The following ABCC4 variants were observed in gnomAD, a reference collection of about 807,000 sequenced individuals.
ABCC4 encodes the protein ATP binding cassette subfamily C member 4 (PEL blood group), also known as ATP-binding cassette sub-family C member 4.
Under a neutral mutation model 168.5 loss-of-function variants are expected in ABCC4, and 102 were observed. The ratio of observed to expected loss-of-function variants is 0.61; its 90% confidence interval spans 0.52 to 0.71. The LOEUF (loss-of-function observed/expected upper bound fraction) is 0.71. ABCC4 is among the 30% of genes least tolerant of loss of function. The probability of loss-of-function intolerance (pLI) is 0.00; values close to 1 mark genes in which losing one functional copy is unlikely to be tolerated. For synonymous variants in ABCC4, 617 were observed against 590.7 expected (o/e 1.04, Z -0.65); for missense variants, 1,402 against 1,605.8 (o/e 0.87, Z 2.17).
chr13:95,249,449 G>A (rs954346801), intron 1 of ABCC4, among the ~76,000 whole-genome samples: 2 of 152,136 alleles, frequency 1.3e-5, no homozygotes, highest in Non-Finnish European at 1.5e-5. Context: ...GTGAAATGGT[G>A]GGCTTTCAAT....
intron 22 of ABCC4, chr13:95,074,898 A>C (rs2033846423): frequency 1.3e-5 from 2 of 153,788 alleles, no homozygotes; most frequent in South Asian, 4.1e-4. Context: ...GATTGGAATG[A>C]CGGATCTGAA....
At position 95,074,206 on chromosome 13, in the gene ABCC4, G is replaced by A. The variant is rs774287710; in HGVS notation, c.2917+8C>T. ...ATACCATACATAGTTATTCACATCTGTACTTACTTTTTGCCAGAATCAGGG... is the reference window on the plus strand; with the variant it reads ...ATACCATACATAGTTATTCACATCTATACTTACTTTTTGCCAGAATCAGGG... On this transcript the variant is annotated splice_region_variant and intron_variant, in intron 23 of 30. Transcript: ENST00000645237. 19 of 1,595,172 alleles carry A rather than the reference G, an allele frequency of 1.2e-5. No homozygotes were observed. The Admixed American group carries it at 1.3e-4, about 11-fold the overall frequency.
At position 95,071,751 on chromosome 13, in the gene ABCC4, T is replaced by C; in HGVS notation, c.3121A>G (p.Ile1041Val). 6.2e-7 allele frequency: 1 copy of C among 1,607,604 alleles called. No homozygotes were observed. The highest frequency in any genetic ancestry group is 8.5e-7 in the Non-Finnish European group (1 of 1,177,102). The change falls in exon 25 of 31, where the codon ATA (isoleucine) becomes GTA (valine). Residue 1041 changes from isoleucine (I) to valine (V), a missense_variant. This residue lies in a region of ABCC4 where 1,007 missense variants were observed against 1,127.3 expected (regional missense o/e 0.89). Transcript: ENST00000645237. ...PPPAWPHEGV[I>V]IFDNVNFMYS... ...ATGAAGTTCACATTGTCAAAGATTATCACTCCTTCATGGGGCCAGGCTGGT... is the reference window on the plus strand; with the variant it reads ...ATGAAGTTCACATTGTCAAAGATTACCACTCCTTCATGGGGCCAGGCTGGT...
chr13:95,177,827 C>G (rs753395736), intron 12 of ABCC4, 34 bp from the exon 13 acceptor site: 1 of 1,580,560 alleles, frequency 6.3e-7, no homozygotes, highest in Admixed American at 1.7e-5. Flanking sequence ...GACTCTCACC[C>G]AGGAACATGA....
At chr13:95,269,282 C>T (rs1469033395) in intron 1 of ABCC4, 1 of 216,280 alleles carries the variant, frequency 4.6e-6, no homozygotes, top group South Asian at 2.8e-5. Context: ...ACAGAGCCTA[C>T]AACCTGTCAG....
At chr13:95,053,493 T>C (rs745537379) in intron 26 of ABCC4, among the ~76,000 whole-genome samples, 4 of 152,134 alleles carry the variant, frequency 2.6e-5, no homozygotes, top group African/African-American at 9.7e-5. Flanking sequence ...ACATGAAATA[T>C]AAGGATATAA....
intron 19 of ABCC4, among the ~76,000 whole-genome samples, chr13:95,148,578 C>T (rs1336338499): frequency 6.9e-6 from 1 of 144,080 alleles, no homozygotes; most frequent in African/African-American, 2.6e-5. Flanking sequence ...TCTCCCTCTC[C>T]CCTACCCATC....
chr13:95,085,465 A>G (rs1325685028), intron 20 of ABCC4, among the ~76,000 whole-genome samples: 1 of 152,168 alleles, frequency 6.6e-6, no homozygotes, highest in Non-Finnish European at 1.5e-5. Flanking sequence ...CAAACAAACA[A>G]AAAGAAATAT....
rs553560573 is a variant in ABCC4, at chr13:95,251,138, CCT to C, written c.75-3387_75-3386del. On this transcript the variant is annotated intron_variant, in intron 1 of 30. Coordinates refer to ENST00000645237, the MANE Select transcript of ABCC4 (RefSeq NM_005845.5). Reference sequence around the variant, plus strand: ...AGAGGGAAAACACAGGTCCCAGCTCCCTGTCTCTGTGACCCTGACCTGAGTCT... The same window carrying C: ...AGAGGGAAAACACAGGTCCCAGCTCCGTCTCTGTGACCCTGACCTGAGTCT... 2.6e-5 allele frequency among the ~76,000 whole-genome samples: 4 copies of C among 152,238 alleles called. No homozygotes were observed. The South Asian group carries it at 8.3e-4, about 32-fold the overall frequency.
chr13:95,073,116 C>G, intron 24 of ABCC4, 88 bp downstream of exon 24: 1 of 1,004,564 alleles, frequency 1.0e-6, no homozygotes, highest in East Asian at 2.6e-5. Flanking sequence ...GTAAAAATAA[C>G]AGTTTTAATA....
chr13:95,120,147 T>TATCAACAA (rs1555315640), intron 19 of ABCC4, among the ~76,000 whole-genome samples: 1 of 52,510 alleles, frequency 1.9e-5, no homozygotes. Context: ...TGGTCTTAGG[T>TATCAACAA]GCCACATCTG....
intron 19 of ABCC4, among the ~76,000 whole-genome samples, chr13:95,126,693 C>G (rs2035772084): frequency 9.6e-6 from 1 of 104,234 alleles, no homozygotes; most frequent in Non-Finnish European, 1.9e-5. Flanking sequence ...AGGTTGTGTT[C>G]AATAAAAATG....
intron 1 of ABCC4, among the ~76,000 whole-genome samples, chr13:95,272,205 C>G (rs756900766): frequency 1.3e-5 from 2 of 152,082 alleles, no homozygotes; most frequent in Non-Finnish European, 2.9e-5. Flanking sequence ...CCAGCACACC[C>G]GGCTAATTTT....
intron 27 of ABCC4, among the ~76,000 whole-genome samples, chr13:95,047,056 C>A (rs1249543388): frequency 6.6e-6 from 1 of 152,198 alleles, no homozygotes; most frequent in Non-Finnish European, 1.5e-5. Flanking sequence ...CTGCAACTTA[C>A]TTTCAAGGGC....
chr13:95,115,986 C>T lies in ABCC4; in HGVS notation c.2471G>A (p.Arg824His), dbSNP rs757773215. Residue 824 changes from arginine to histidine, a missense_variant, in exon 20 of 31, where the codon CGT (arginine) becomes CAT (histidine). By Grantham distance (29) the Arg-to-His change is conservative. Around this residue, in one of 3 missense-constraint regions of ABCC4, gnomAD observed 1,007 missense variants for 1,127.3 expected, o/e 0.89. Transcript: ENST00000645237. ...CAAGTGTCCAATGTCTTTGGAGAAA[C>T]GATTTAAAATTCTTCCTGCAAGAAC... The part of the protein sequence containing the change: ...DRNPIGRILN[R>H]FSKDIGHLDD... The T allele has an allele frequency of 4.2e-5, 67 of 1,611,750 alleles. No individual in the cohort carries two copies. The highest frequency in any genetic ancestry group is 5.2e-5 in the Non-Finnish European group (61 of 1,179,360).
At chr13:95,199,669 T>A (rs1388483617) in intron 8 of ABCC4, among the ~76,000 whole-genome samples, 1 of 152,024 alleles carries the variant, frequency 6.6e-6, no homozygotes, top group Non-Finnish European at 1.5e-5. Context: ...TTGGTCTGAG[T>A]CCAAATCCCA....
chr13:95,126,754 T>TATATATATATATATA (rs2035785615), intron 19 of ABCC4, among the ~76,000 whole-genome samples: 1 of 100,248 alleles, frequency 1.0e-5, no homozygotes, highest in Non-Finnish European at 2.1e-5. Context: ...TATATATATA[T>TATATATATATATATA]TCCAAAATAT....
intron 4 of ABCC4, among the ~76,000 whole-genome samples, chr13:95,229,634 A>C (rs1178528286): frequency 1.3e-5 from 2 of 152,224 alleles, no homozygotes; most frequent in Admixed American, 1.3e-4. Flanking sequence ...CTTAAGGAAA[A>C]GTCTCTATGC....
At chr13:95,181,444 T>G (rs2037887311) in intron 11 of ABCC4, among the ~76,000 whole-genome samples, 1 of 152,222 alleles carries the variant, frequency 6.6e-6, no homozygotes, top group Non-Finnish European at 1.5e-5. Context: ...GCTCAAACTC[T>G]TCTATGAAAC....
Sources: gnomAD v4.1 joint callset for allele counts (sites outside exome capture counted in the v4.1 genomes callset) on GRCh38, gnomAD v4.1.1 for gene constraint, gnomAD v4.1.1 regional missense constraint, MANE v1.5 for transcripts, NCBI Gene and HGNC (gene_info 2026-07-23, HGNC 2026-07-21) for gene names.